Variants in RORA observed in about 807,000 individuals in gnomAD.
The protein encoded by RORA is RAR related orphan receptor A.
Under a neutral mutation model 69.5 loss-of-function variants are expected in RORA, and 7 were observed. The observed-to-expected ratio is 0.10, with a 90% CI of 0.06 to 0.19. The LOEUF is 0.19. RORA is among the 10% of genes least tolerant of loss of function. The pLI, the probability that RORA is intolerant of heterozygous loss-of-function variation, is 1.00. For synonymous variants in RORA, 261 were observed against 240.8 expected, an observed-to-expected ratio of 1.08 and a Z score of -0.78; for missense variants, 457 against 663.0, an observed-to-expected ratio of 0.69 and a Z score of 3.41.
chr15:60,895,454 T>C (rs1457741394), intron 1 of RORA, among the ~76,000 whole-genome samples: 1 of 152,178 alleles, frequency 6.6e-6, no homozygotes, highest in Non-Finnish European at 1.5e-5. Context: ...CACTTAAGGA[T>C]TAGTGAGAGC....
chr15:60,919,421 C>T (rs118161994), intron 1 of RORA, among the ~76,000 whole-genome samples: 4 of 152,316 alleles, frequency 2.6e-5, no homozygotes, highest in South Asian at 2.1e-4. Flanking sequence ...AGGCCACCTC[C>T]GAGTGATTTT....
intron 1 of RORA, among the ~76,000 whole-genome samples, chr15:61,159,813 G>A (rs1209197463): frequency 6.6e-6 from 1 of 152,140 alleles, no homozygotes; most frequent in Non-Finnish European, 1.5e-5. Flanking sequence ...CATTTTGTGA[G>A]GTTCAGTTTC....
chr15:60,762,777 C>T (rs917657531), intron 1 of RORA, among the ~76,000 whole-genome samples: 2 of 152,144 alleles, frequency 1.3e-5, no homozygotes, highest in African/African-American at 2.4e-5. Flanking sequence ...ATTGGTATTT[C>T]GTAAACTGCT....
At chr15:60,588,479 T>TCCATCCAGCCAG (rs1567108387) in intron 2 of RORA, among the ~76,000 whole-genome samples, 1 of 149,928 alleles carries the variant, frequency 6.7e-6, no homozygotes, top group African/African-American at 2.4e-5. Context: ...CATCCATCCA[T>TCCATCCAGCCAG]CCAGTAACTT....
intron 2 of RORA, among the ~76,000 whole-genome samples, chr15:60,666,772 T>C (rs1436409315): frequency 6.6e-6 from 1 of 152,130 alleles, no homozygotes; most frequent in Non-Finnish European, 1.5e-5. Flanking sequence ...AACAGATCAC[T>C]GAGGATGGCA....
chr15:60,645,379 C>T (rs1009855595), intron 2 of RORA, among the ~76,000 whole-genome samples: 3 of 151,298 alleles, frequency 2.0e-5, no homozygotes, highest in Admixed American at 6.6e-5. Context: ...TACAGTGGCT[C>T]AGCTGCTAGA....
intron 1 of RORA, among the ~76,000 whole-genome samples, chr15:60,931,623 G>C (rs567854846): frequency 6.6e-6 from 1 of 152,352 alleles, no homozygotes; most frequent in Admixed American, 6.5e-5. Context: ...AGAGTGTCTT[G>C]CACAGGGCCA....
chr15:61,102,249 C>T (rs1407236298), intron 1 of RORA, among the ~76,000 whole-genome samples: 2 of 152,120 alleles, frequency 1.3e-5, no homozygotes, highest in African/African-American at 4.8e-5. Flanking sequence ...ATGAGAAGCC[C>T]CCCCTCAACC....
intron 1 of RORA, among the ~76,000 whole-genome samples, chr15:60,811,249 T>C (rs1220956149): frequency 6.6e-6 from 1 of 152,196 alleles, no homozygotes; most frequent in Admixed American, 6.5e-5. Flanking sequence ...TCATCCAACT[T>C]ATTTTTAGCC....
At chr15:60,617,498 A>G (rs1368103258) in intron 2 of RORA, among the ~76,000 whole-genome samples, 1 of 152,178 alleles carries the variant, frequency 6.6e-6, no homozygotes, top group Non-Finnish European at 1.5e-5. Context: ...CATCCTATCC[A>G]TAGACTCCCC....
chr15:61,190,248 A>C (rs1363097080), intron 1 of RORA, among the ~76,000 whole-genome samples: 1 of 152,218 alleles, frequency 6.6e-6, no homozygotes, highest in Non-Finnish European at 1.5e-5. Context: ...TAGGAAACAC[A>C]CACAAAAATA....
chr15:61,198,781 C>T (rs1025915487), intron 1 of RORA, among the ~76,000 whole-genome samples: 1 of 152,050 alleles, frequency 6.6e-6, no homozygotes, highest in Admixed American at 6.6e-5. Flanking sequence ...AGAGGGCTCC[C>T]GACTGCCTGT....
chr15:60,592,335 CG>C, intron 2 of RORA: 1 of 1,314,666 alleles, frequency 7.6e-7, no homozygotes. Context: ...CCCTCCTCCC[CG>C]CCCCCCGGAG....
chr15:61,012,761 C>A (rs1279854361), intron 1 of RORA, among the ~76,000 whole-genome samples: 1 of 152,074 alleles, frequency 6.6e-6, no homozygotes, highest in Non-Finnish European at 1.5e-5. Context: ...GCAATCCTTC[C>A]ACCTCAGCCT....
intron 2 of RORA, among the ~76,000 whole-genome samples, chr15:60,623,463 C>T (rs1345958306): frequency 6.6e-6 from 1 of 152,062 alleles, no homozygotes; most frequent in Admixed American, 6.5e-5. Context: ...GCTGATATAC[C>T]CTAGGCACTT....
intron 1 of RORA, among the ~76,000 whole-genome samples, chr15:61,137,329 TCTAA>T (rs1387654023): frequency 6.6e-6 from 1 of 152,186 alleles, no homozygotes; most frequent in Non-Finnish European, 1.5e-5. Flanking sequence ...CAGTTATAGC[TCTAA>T]CTTTCATTTT....
At chr15:60,906,276 C>T (rs534775974) in intron 1 of RORA, among the ~76,000 whole-genome samples, 1 of 152,208 alleles carries the variant, frequency 6.6e-6, no homozygotes, top group Non-Finnish European at 1.5e-5. Context: ...TGCACCACAG[C>T]TACTCATAGA....
At chr15:61,105,704 T>C (rs996114191) in intron 1 of RORA, among the ~76,000 whole-genome samples, 1 of 152,076 alleles carries the variant, frequency 6.6e-6, no homozygotes, top group Admixed American at 6.5e-5. Context: ...TAGCTCAGAG[T>C]CCTAGGTTCA....
intron 1 of RORA, among the ~76,000 whole-genome samples, chr15:60,691,100 C>T (rs2070816299): frequency 6.6e-6 from 1 of 152,118 alleles, no homozygotes; most frequent in African/African-American, 2.4e-5. Flanking sequence ...AAGCTTGCTC[C>T]AGACTCACAT....
Sources: gnomAD v4.1 joint callset for allele counts (sites outside exome capture counted in the v4.1 genomes callset) on GRCh38, gnomAD v4.1.1 for gene constraint, MANE v1.5 for transcripts, NCBI Gene and HGNC (gene_info 2026-07-23, HGNC 2026-07-21) for gene names.